Variants in SSUH2 observed in about 807,000 individuals in gnomAD.
The protein encoded by SSUH2 is ssu-2 homolog, also known as protein SSUH2 homolog.
In SSUH2, 47 loss-of-function variants were observed where a neutral mutation model predicts 55.3. The observed-to-expected ratio is 0.85, with a 90% CI of 0.67 to 1.08. The LOEUF (loss-of-function observed/expected upper bound fraction) is 1.08, where lower values mean the gene tolerates loss of function less well. SSUH2 is among the 50% of genes least tolerant of loss of function. SSUH2 has a pLI of 0.00. For synonymous variants in SSUH2, 212 were observed against 191.5 expected (o/e 1.11, Z -0.89); for missense variants, 535 against 490.7 (o/e 1.09, Z -0.85).
intron 5 of SSUH2, among the ~76,000 whole-genome samples, chr3:8,669,936 A>T (rs1179882626): frequency 3.3e-5 from 5 of 152,170 alleles, no homozygotes; most frequent in Non-Finnish European, 7.3e-5. Context: ...GAGTGGAAAA[A>T]CTGGTGACAT....
chr3:8,629,633 C>CTGACTCACGAGTGGTTCACAGA (rs1553567105), intron 7 of SSUH2, 31 bp downstream of exon 7: 115 of 1,587,708 alleles, frequency 7.2e-5, no homozygotes, highest in Non-Finnish European at 9.2e-5. Flanking sequence ...CACACCCTCA[C>CTGACTCACGAGTGGTTCACAGA]TGACTCACCA....
chr3:8,622,391 A>G lies in SSUH2; in HGVS notation c.981+1158T>C, dbSNP rs529025202. 1.3e-4 allele frequency among the ~76,000 whole-genome samples: 20 copies of G among 152,298 alleles called. No individual in the cohort carries two copies. The South Asian group carries it at 4.1e-3, about 32-fold the overall frequency. Reference sequence around the variant, plus strand: ...GAGTTCTAGTCCTGGACCTGCCACCAACAAACTGTGTGACTTAGGACAGGT... The same window carrying G: ...GAGTTCTAGTCCTGGACCTGCCACCGACAAACTGTGTGACTTAGGACAGGT... On this transcript the variant is annotated intron_variant, in intron 11 of 11. Coordinates refer to ENST00000544814, the MANE Select transcript of SSUH2 (RefSeq NM_001256748.3).
At position 8,623,578 on chromosome 3, in the gene SSUH2, A is replaced by C. The variant is rs1372582860; in HGVS notation, c.952T>G (p.Leu318Val). 6.4e-7 allele frequency: 1 copy of C among 1,550,604 alleles called. No individual in the cohort carries two copies. The change falls in exon 11 of 12, where the codon TTG becomes GTG. Residue 318 changes from leucine to valine, a missense_variant. Leu to Val is a conservative substitution (Grantham distance 32, BLOSUM62 1). Transcript: ENST00000544814. ...TGCAGGACGCGGGCACGGGAGGCCA[A>C]GGCAGCGCTGTGCTCTGCAATGCCC... is the stretch of plus-strand genomic sequence containing the variant. ...QRGIAEHSAA[L>V]ASRARVLQQR...
upstream of SSUH2, among the ~76,000 whole-genome samples, chr3:8,645,793 C>T (rs1012924340): frequency 2.6e-5 from 4 of 152,218 alleles, no homozygotes; most frequent in African/African-American, 4.8e-5. Context: ...CCACACTGCA[C>T]AGAGATGGCT....
intron 8 of SSUH2, 30 bp downstream of exon 8, chr3:8,627,668 T>G: frequency 1.4e-6 from 2 of 1,428,218 alleles, no homozygotes; most frequent in Non-Finnish European, 1.8e-6. Context: ...GCAAGAGCAC[T>G]TCACCGCGGT....
chr3:8,637,646 T>A (rs751595946), intron 1 of SSUH2, among the ~76,000 whole-genome samples: 1 of 152,200 alleles, frequency 6.6e-6, no homozygotes, highest in African/African-American at 2.4e-5. Flanking sequence ...CCTTTAAAAC[T>A]GTTCCTACAA....
intron 1 of SSUH2, among the ~76,000 whole-genome samples, chr3:8,681,219 T>C (rs1226580828): frequency 4.3e-5 from 6 of 138,566 alleles, no homozygotes; most frequent in African/African-American, 1.4e-4. Context: ...CTTCCCCCCC[T>C]GGCTCTCAGG....
intron 7 of SSUH2, among the ~76,000 whole-genome samples, chr3:8,656,610 T>C (rs532002962): frequency 9.2e-5 from 14 of 152,250 alleles, no homozygotes; most frequent in African/African-American, 3.4e-4. Context: ...CCCCTGCCCA[T>C]GTGGAGCCAA....
At chr3:8,626,537 G>T (rs1697577218) in intron 8 of SSUH2, among the ~76,000 whole-genome samples, 1 of 107,654 alleles carries the variant, frequency 9.3e-6, no homozygotes. Flanking sequence ...TCTAGGGCCT[G>T]CCCCCCCCCC....
intron 5 of SSUH2, among the ~76,000 whole-genome samples, chr3:8,668,956 G>A (rs1423198194): frequency 6.6e-6 from 1 of 151,872 alleles, no homozygotes; most frequent in Non-Finnish European, 1.5e-5. Flanking sequence ...GTGGGAGGGA[G>A]GGAGGGAAGG....
intron 3 of SSUH2, chr3:8,634,015 A>G (rs2125189923): frequency 1.3e-6 from 2 of 1,485,460 alleles, no homozygotes. Context: ...AGCCAAAAAC[A>G]CTTTAGTTGA....
intron 8 of SSUH2, 32 bp from the exon 9 acceptor site, chr3:8,626,353 T>C (rs2125114162): frequency 6.3e-7 from 1 of 1,585,084 alleles, no homozygotes; most frequent in Non-Finnish European, 8.7e-7. Context: ...TACCCCCAGA[T>C]CAGTTGCAGG....
At position 8,635,832 on chromosome 3, in the gene SSUH2, G is replaced by A. The variant is rs761609116; in HGVS notation, c.54C>T (p.Ala18=). Residue 18 remains alanine (A), a synonymous_variant, in exon 2 of 12, where the codon GCC becomes GCT. Transcript: ENST00000544814. Reference sequence around the variant, plus strand: ...CTGTGGGGGGCGCCAGAGGACTCTCGGCCTCAAAACTGAGGTCCACCACAC... The same window carrying A: ...CTGTGGGGGGCGCCAGAGGACTCTCAGCCTCAAAACTGAGGTCCACCACAC... ...DDSVVDLSFE[A]ESPLAPPTEL... 1.7e-5 allele frequency: 26 copies of A among 1,535,970 alleles called. No homozygotes were observed. The highest frequency in any genetic ancestry group is 1.7e-4 in the Middle Eastern group (1 of 5,990).
chr3:8,656,668 T>C (rs1702962765), intron 7 of SSUH2, among the ~76,000 whole-genome samples: 1 of 152,186 alleles, frequency 6.6e-6, no homozygotes. Context: ...CGGTCCTCAC[T>C]ACAACCCTGT....
rs750098906 is a variant in SSUH2 at position 8,630,783 on chromosome 3, GTAATCGCGT to G, written c.525+13_525+21del. 3 of 1,359,208 alleles carry G rather than the reference GTAATCGCGT, an allele frequency of 2.2e-6. No individual in the cohort carries two copies. The South Asian group carries it at 6.7e-5, about 30-fold the overall frequency. 84.2% of individuals were successfully genotyped at this position (1,359,208 alleles called of 1,614,324 possible). A position where few individuals can be genotyped will look rare whatever the true frequency, so the allele number is the denominator to read the frequency against. On this transcript the variant is annotated intron_variant, in intron 6 of 11. Coordinates refer to ENST00000544814, the MANE Select transcript of SSUH2 (RefSeq NM_001256748.3). ...CTCAGGGAGAAGGGCAAGTATTCCA[GTAATCGCGT>G]TAATCGTATTACCTTGACCAGTGAC...
chr3:8,672,872 T>A (rs1275269734), intron 3 of SSUH2, among the ~76,000 whole-genome samples: 2 of 152,066 alleles, frequency 1.3e-5, no homozygotes, highest in East Asian at 1.9e-4. Flanking sequence ...CCTCTGGAGA[T>A]GATATTCGGA....
Position 8,680,535 on chromosome 3 carries a change from G to A in SSUH2, c.-1045-686C>T, listed in dbSNP as rs555623226. ...TCACAGGGGTGTTTCTACTCCCTGC[G>A]ATATCGTGTGTTATATCCTCCTCTC... On this transcript the variant is annotated intron_variant, in intron 1 of 18. Transcript: ENST00000317371. Among the ~76,000 whole-genome samples, 95 of 152,082 alleles carry A rather than the reference G, an allele frequency of 6.2e-4. 1 individual carries two copies. The highest frequency in any genetic ancestry group is 1.7e-3 in the African/African-American group (71 of 41,470).
chr3:8,681,420 GCCC>G (rs1381251632), intron 1 of SSUH2, among the ~76,000 whole-genome samples: 2 of 149,254 alleles, frequency 1.3e-5, no homozygotes, highest in South Asian at 2.1e-4. Context: ...CCCCCGGCGA[GCCC>G]GGGACTGAGA....
At chr3:8,627,929 G>C (rs355055) in intron 7 of SSUH2, 146 bp from the exon 8 acceptor site, 418,945 of 523,370 alleles carry the variant, frequency 0.8, 169,208 homozygotes, top group East Asian at 1. Context: ...GCGGGGTGGA[G>C]ATGGGGTATC....
Sources: allele counts gnomAD v4.1 joint callset (sites outside exome capture counted in the v4.1 genomes callset), GRCh38; gene constraint gnomAD v4.1.1; transcripts MANE v1.5; gene names NCBI Gene and HGNC (gene_info 2026-07-23, HGNC 2026-07-21).